Variants in FYB1 observed in about 807,000 individuals in gnomAD.
The protein encoded by FYB1 is FYN binding protein 1.
FYB1 carries 41 observed loss-of-function variants against 94.1 expected under a neutral mutation model. The ratio of observed to expected loss-of-function variants is 0.44; its 90% confidence interval spans 0.34 to 0.57. FYB1 has a LOEUF of 0.57. Ranked by LOEUF, FYB1 falls within the 20% of genes least tolerant of loss-of-function variation. FYB1 has a pLI of 0.02. For missense variants in FYB1, 1,050 were observed against 976.8 expected (o/e 1.07, Z -1.00); for synonymous variants, 367 against 353.2 (o/e 1.04, Z -0.44).
At chr5:39,267,027 C>T (rs1475449433) in intron 1 of FYB1, among the ~76,000 whole-genome samples, 3 of 152,092 alleles carry the variant, frequency 2.0e-5, no homozygotes, top group Admixed American at 6.5e-5. Flanking sequence ...AATTCCAGGC[C>T]CAATATTCAG....
intron 1 of FYB1, among the ~76,000 whole-genome samples, chr5:39,215,113 G>T (rs1195209809): frequency 6.6e-6 from 1 of 152,068 alleles, no homozygotes; most frequent in African/African-American, 2.4e-5. Context: ...TAGTGGCAAT[G>T]TTTGCGCAAC....
intron 1 of FYB1, among the ~76,000 whole-genome samples, chr5:39,263,255 T>A (rs1752299887): frequency 6.6e-6 from 1 of 152,204 alleles, no homozygotes; most frequent in South Asian, 2.1e-4. Context: ...TTCTAACACA[T>A]GCTCTAAGAA....
At chr5:39,185,627 C>CAT (rs551230213) in intron 2 of FYB1, among the ~76,000 whole-genome samples, 232 of 140,062 alleles carry the variant, frequency 1.7e-3, no homozygotes, top group South Asian at 0.012. Flanking sequence ...TATATACACA[C>CAT]ATATATATAT....
Position 39,105,320 on chromosome 5 carries a change from A to C in FYB1, c.*2123T>G, listed in dbSNP as rs1760312937. 1 of 152,258 alleles carries C rather than the reference A, an allele frequency of 6.6e-6. No individual in the cohort carries two copies. The highest frequency in any genetic ancestry group is 1.9e-4 in the East Asian group (1 of 5,188). The allele number at this position is 152,258 out of a possible 1,614,324, so 9.4% of individuals were successfully genotyped here. A position where few individuals can be genotyped will look rare whatever the true frequency, so the allele number is the denominator to read the frequency against. ...ACAAAATTCCATACAGAAGACTATA[A>C]CAGAAATCATATTTAATATATTAAA... On this transcript the variant is annotated 3_prime_UTR_variant, in exon 19 of 19. Coordinates refer to ENST00000512982, the MANE Select transcript of FYB1 (RefSeq NM_001465.6).
chr5:39,187,928 G>C (rs1051590189), intron 2 of FYB1, among the ~76,000 whole-genome samples: 2 of 152,046 alleles, frequency 1.3e-5, no homozygotes, highest in Admixed American at 6.6e-5. Flanking sequence ...AGGGCAGAAG[G>C]GGGAACAAAG....
intron 2 of FYB1, chr5:39,169,729 G>A: frequency 2.1e-6 from 1 of 474,358 alleles, no homozygotes; most frequent in Admixed American, 2.6e-5. Flanking sequence ...GATAGTTCAT[G>A]TGATTTGCCA....
intron 1 of FYB1, among the ~76,000 whole-genome samples, chr5:39,235,306 T>C (rs1487905100): frequency 1.3e-5 from 2 of 151,322 alleles, no homozygotes; most frequent in Non-Finnish European, 2.9e-5. Flanking sequence ...CAGTGCAGGA[T>C]CTTAAAAATG....
chr5:39,141,889 A>T (rs539143531), intron 3 of FYB1, among the ~76,000 whole-genome samples: 1 of 146,352 alleles, frequency 6.8e-6, no homozygotes, highest in Non-Finnish European at 1.5e-5. Flanking sequence ...AAAAAAAAAA[A>T]CTTACATAGT....
chr5:39,234,271 T>A (rs1391896593), intron 1 of FYB1, among the ~76,000 whole-genome samples: 1 of 152,116 alleles, frequency 6.6e-6, no homozygotes, highest in African/African-American at 2.4e-5. Context: ...ATATTACTGA[T>A]CCTTAAAATG....
chr5:39,115,414 G>A (rs1739472225), intron 16 of FYB1, among the ~76,000 whole-genome samples: 1 of 152,048 alleles, frequency 6.6e-6, no homozygotes. Context: ...AATTTATTCA[G>A]GGAATGACAA....
At chr5:39,118,517 T>G (rs1739772125) in intron 16 of FYB1, among the ~76,000 whole-genome samples, 1 of 152,158 alleles carries the variant, frequency 6.6e-6, no homozygotes, top group Non-Finnish European at 1.5e-5. Context: ...TTACCTGATT[T>G]CTAGAACTCA....
At chr5:39,271,206 C>T (rs1428134634) in intron 1 of FYB1, among the ~76,000 whole-genome samples, 5 of 151,980 alleles carry the variant, frequency 3.3e-5, no homozygotes, top group Admixed American at 2.6e-4. Context: ...AGGAAACACT[C>T]ATAAGCTTAT....
intron 1 of FYB1, among the ~76,000 whole-genome samples, chr5:39,271,777 G>T (rs2111781658): frequency 6.6e-6 from 1 of 152,340 alleles, no homozygotes; most frequent in Middle Eastern, 3.4e-3. Context: ...ATTATAAAGA[G>T]GGATGTGAGG....
At chr5:39,260,531 C>G (rs1056153835) in intron 1 of FYB1, among the ~76,000 whole-genome samples, 4 of 151,980 alleles carry the variant, frequency 2.6e-5, no homozygotes, top group Non-Finnish European at 5.9e-5. Flanking sequence ...AGTAAAAGCT[C>G]AGAACATAAA....
At chr5:39,137,393 C>A (rs941806232) in intron 7 of FYB1, 3 of 424,188 alleles carry the variant, frequency 7.1e-6, no homozygotes, top group African/African-American at 4.2e-5. Context: ...TAATTATGAA[C>A]CAATATATTT....
chr5:39,259,188 C>T (rs1188263914), intron 1 of FYB1, among the ~76,000 whole-genome samples: 1 of 152,180 alleles, frequency 6.6e-6, no homozygotes, highest in Admixed American at 6.5e-5. Context: ...TGCTACTAAA[C>T]ATCTAACAAT....
intron 1 of FYB1, chr5:39,212,917 T>C (rs541201693): frequency 6.6e-6 from 1 of 152,168 alleles, no homozygotes; most frequent in African/African-American, 2.4e-5. Flanking sequence ...TCCTTGCTTA[T>C]GTGCTAAATC....
At chr5:39,263,526 A>C (rs866469790) in intron 1 of FYB1, among the ~76,000 whole-genome samples, 6 of 152,104 alleles carry the variant, frequency 3.9e-5, no homozygotes, top group African/African-American at 1.4e-4. Flanking sequence ...ATTGGCCTCC[A>C]CAGCTTACCT....
intron 2 of FYB1, among the ~76,000 whole-genome samples, chr5:39,180,494 A>G (rs755527844): frequency 2.6e-5 from 4 of 152,186 alleles, no homozygotes; most frequent in Non-Finnish European, 5.9e-5. Flanking sequence ...GACCTGTTAG[A>G]AAAGTCCCTA....
Sources: gnomAD v4.1 joint callset for allele counts (sites outside exome capture counted in the v4.1 genomes callset) on GRCh38, gnomAD v4.1.1 for gene constraint, MANE v1.5 for transcripts, NCBI Gene and HGNC (gene_info 2026-07-23, HGNC 2026-07-21) for gene names.